The following LHX3 variants were observed in gnomAD, a reference collection of about 807,000 sequenced individuals.
LHX3 encodes LIM homeobox 3, also known as LIM/homeobox protein Lhx3.
In LHX3, 21 loss-of-function variants were observed where a neutral mutation model predicts 32.4. The ratio of observed to expected loss-of-function variants is 0.65; its 90% CI spans 0.46 to 0.93. The LOEUF is 0.93. Ranked by LOEUF, LHX3 falls within the 40% of genes least tolerant of loss-of-function variation. The pLI is 0.00. For missense variants in LHX3, 626 were observed against 560.0 expected, an observed-to-expected ratio of 1.12 and a Z score of -1.19; for synonymous variants, 258 against 246.8, an observed-to-expected ratio of 1.05 and a Z score of -0.43.
chr9:136,198,612 G>A (rs374946930), intron 5 of LHX3, 40 bp downstream of exon 5: 6 of 1,530,606 alleles, frequency 3.9e-6, no homozygotes, highest in Non-Finnish European at 5.3e-6. Flanking sequence ...CCGCCGACGC[G>A]CGCTCGTCCC....
In LHX3 at chr9:136,200,757, T is replaced by G. The variant is rs1199495392; in HGVS notation, c.80-4A>C. The G allele has an allele frequency of 1.2e-6, 2 of 1,613,174 alleles. No homozygotes were observed. The highest frequency in any genetic ancestry group is 1.3e-5 in the African/African-American group (1 of 74,922). ...CAGCCAGCGCACAGCGGGATCTCTG[T>G]GGGCACGAGGAAGTTCTGGGTCACC... On this transcript the variant is annotated splice_polypyrimidine_tract_variant and splice_region_variant and intron_variant, in intron 1 of 5. Coordinates refer to ENST00000371748, the MANE Select transcript of LHX3 (RefSeq NM_178138.6).
Position 136,197,298 on chromosome 9 carries a change from G to A in LHX3, c.*27C>T, listed in dbSNP as rs765405439. 1.2e-6 allele frequency: 2 copies of A among 1,610,326 alleles called. No individual in the cohort carries two copies. The highest frequency in any genetic ancestry group is 2.2e-5 in the South Asian group (2 of 90,924). On this transcript the variant is annotated 3_prime_UTR_variant, in exon 6 of 6. Transcript: ENST00000371748. ...CCACCCAGGGGCAGCTCCCTCGTGTGAGGTGCAGGGTGGAGCCGGGCCTGG... is the reference window on the plus strand; with the variant it reads ...CCACCCAGGGGCAGCTCCCTCGTGTAAGGTGCAGGGTGGAGCCGGGCCTGG...
At chr9:136,198,559 A>T in intron 5 of LHX3, 93 bp downstream of exon 5, 1 of 1,390,872 alleles carries the variant, frequency 7.2e-7, no homozygotes, top group Non-Finnish European at 9.8e-7. Flanking sequence ...CACTAACTCC[A>T]TGGGAAATTC....
At chr9:136,199,456 C>G (rs1173572084) in intron 3 of LHX3, among the ~76,000 whole-genome samples, 1 of 152,248 alleles carries the variant, frequency 6.6e-6, no homozygotes, top group African/African-American at 2.4e-5. Context: ...CGACCAGGGG[C>G]GAAAAGCCGC....
At position 136,197,048 on chromosome 9, in the gene LHX3, T is replaced by G. The variant is rs1195797688; in HGVS notation, c.*277A>C. ...TTTCATGTCTAGAAATAGCAGCAAG[T>G]GCTCAGTTAATTGGTCAATAAAGGG... On this transcript the variant is annotated 3_prime_UTR_variant, in exon 6 of 6. Transcript: ENST00000371748. 1.8e-6 allele frequency: 1 copy of G among 562,058 alleles called. No homozygotes were observed. Among genetic ancestry groups the G allele is most frequent in the African/African-American group, 1.9e-5 (1 of 53,032 alleles). The allele number at this position is 562,058 out of a possible 1,614,324, so 34.8% of individuals were successfully genotyped here.
chr9:136,196,999 G>A lies in LHX3; in HGVS notation c.*326C>T. The stretch of plus-strand genomic sequence containing the variant: ...TCCAGCCCTCGGGCTATGCTGGGCT[G>A]GGCTGGGCCTCAGCAAGGTGACATT... On this transcript the variant is annotated 3_prime_UTR_variant, in exon 6 of 6. Transcript: ENST00000371748. The A allele has an allele frequency of 2.1e-6, 1 of 468,790 alleles. No homozygotes were observed. The highest frequency in any genetic ancestry group is 2.5e-5 in the South Asian group (1 of 39,960). The allele number at this position is 468,790 out of a possible 1,614,324, so 29.0% of individuals were successfully genotyped here.
intron 3 of LHX3, 28 bp from the exon 4 acceptor site, chr9:136,199,087 G>C (rs1224114028): frequency 2.2e-6 from 3 of 1,387,012 alleles, no homozygotes; most frequent in Admixed American, 2.9e-5. Context: ...GGTGAGGCGC[G>C]GCAGCCCCTC....
In LHX3 at chr9:136,199,018, C is replaced by T; in HGVS notation, c.496G>A (p.Ala166Thr). Residue 166 changes from alanine to threonine, a missense_variant, in exon 4 of 6, where the codon GCC becomes ACC. Coordinates refer to ENST00000371748, the MANE Select transcript of LHX3 (RefSeq NM_178138.6). ...CTCTTCAGCGTCTCCAGCTGCTTGG[C>T]GGTGATGGTCGTGCGCGGCCGCTTG... ...TAKRPRTTIT[A>T]KQLETLKSAY... 6.3e-7 allele frequency: 1 copy of T among 1,586,240 alleles called. No homozygotes were observed. Among genetic ancestry groups the T allele is most frequent in the Non-Finnish European group, 8.5e-7 (1 of 1,171,346 alleles).
chr9:136,198,999 A>G lies in LHX3; in HGVS notation c.515T>C (p.Leu172Pro). The G allele has an allele frequency of 1.3e-6, 2 of 1,592,128 alleles. No homozygotes were observed. Among genetic ancestry groups the G allele is most frequent in the South Asian group, 1.1e-5 (1 of 88,616 alleles). Residue 172 changes from leucine (L) to proline (P), a missense_variant, in exon 4 of 6, where the codon CTG becomes CCG. Physicochemically the swap from Leu to Pro is moderately conservative, Grantham distance 98. Transcript: ENST00000371748. ...TTITAKQLET[L>P]KSAYNTSPKP... ...GGGCGAGGTGTTGTAAGCGCTCTTCAGCGTCTCCAGCTGCTTGGCGGTGAT... is the reference window on the plus strand; with the variant it reads ...GGGCGAGGTGTTGTAAGCGCTCTTCGGCGTCTCCAGCTGCTTGGCGGTGAT...
rs2131032884 is a variant in LHX3 at position 136,198,929 on chromosome 9, G to A, written c.585C>T (p.Gly195=). 16 of 1,588,502 alleles carry A rather than the reference G, an allele frequency of 1.0e-5. No homozygotes were observed. The highest frequency in any genetic ancestry group is 1.4e-5 in the Non-Finnish European group (16 of 1,171,924). The change falls in exon 4 of 6, where the codon GGC becomes GGT. Residue 195 remains glycine, a synonymous_variant. Coordinates refer to ENST00000371748, the MANE Select transcript of LHX3 (RefSeq NM_178138.6). The stretch of plus-strand genomic sequence containing the variant: ...TGACCTGCACCACGCGCATGTCCAG[G>A]CCCGTCTCGGACGAGAGCTGCTCGC... ...HVREQLSSET[G]LDMRVVQVWF... is the part of the protein sequence containing the mutation.
intron 1 of LHX3, 113 bp from the exon 2 acceptor site, chr9:136,200,866 G>A (rs1222155870): frequency 5.5e-6 from 7 of 1,264,646 alleles, no homozygotes; most frequent in African/African-American, 2.9e-5. Flanking sequence ...CAGGGCTGCC[G>A]AGGGGTCCTC....
At chr9:136,201,028 G>A (rs1325123552) in intron 1 of LHX3, 2 of 989,220 alleles carry the variant, frequency 2.0e-6, no homozygotes, top group South Asian at 1.7e-5. Flanking sequence ...GCCATTTCAC[G>A]AGGCTGAATA....
At position 136,204,774 on chromosome 9, in the gene LHX3, C is replaced by A. The variant is rs1391377889; in HGVS notation, c.79+160G>T. ...GCCAGCGTCAGGCCCTCCCCGCCAC[C>A]CTGGGATCTGGAAACTCACTCTCTG... On this transcript the variant is annotated intron_variant, in intron 1 of 5. Coordinates refer to ENST00000371748, the MANE Select transcript of LHX3 (RefSeq NM_178138.6). Among the ~76,000 whole-genome samples, 4 of 152,336 alleles carry A rather than the reference C, an allele frequency of 2.6e-5. No individual in the cohort carries two copies. The East Asian group carries it at 7.7e-4, about 29-fold the overall frequency.
intron 5 of LHX3, among the ~76,000 whole-genome samples, chr9:136,198,300 T>C (rs1424872605): frequency 2.0e-5 from 3 of 152,158 alleles, no homozygotes; most frequent in Admixed American, 2.0e-4. Context: ...GACTCAGTCT[T>C]TCCCGAAATG....
At chr9:136,202,814 G>T in intron 1 of LHX3, 7 of 1,057,248 alleles carry the variant, frequency 6.6e-6, no homozygotes, top group Non-Finnish European at 8.4e-6. Context: ...GCGCCCAGGC[G>T]CGGACGTTCC....
rs1831594684 is a variant in LHX3, at chr9:136,199,826, C to T, written c.306G>A (p.Val102=). ...ACACGAAGTCCTGGGCGCGGCGCAC[C>T]ACCTGCGTGGGCGGGATGCCCAGCT... is the stretch of plus-strand genomic sequence containing the variant. ...ACQLGIPPTQ[V]VRRAQDFVYH... is the part of the protein sequence containing the mutation. The change falls in exon 3 of 6, where the codon GTG becomes GTA. Residue 102 remains valine (V), a synonymous_variant. Coordinates refer to ENST00000371748, the MANE Select transcript of LHX3 (RefSeq NM_178138.6). The T allele has an allele frequency of 6.2e-7, 1 of 1,610,360 alleles. No homozygotes were observed. Among genetic ancestry groups the T allele is most frequent in the South Asian group, 1.1e-5 (1 of 90,756 alleles).
Position 136,203,093 on chromosome 9 carries a change from G to A in LHX3, c.79+1841C>T. On this transcript the variant is annotated intron_variant, in intron 1 of 5. Coordinates refer to ENST00000371748, the MANE Select transcript of LHX3 (RefSeq NM_178138.6). Reference sequence around the variant, plus strand: ...CCAGTCCCGAACTTTCCCGGGCCCAGCGACGCCACCCCGCAATAGCCCCGA... The same window carrying A: ...CCAGTCCCGAACTTTCCCGGGCCCAACGACGCCACCCCGCAATAGCCCCGA... 5.4e-6 allele frequency: 8 copies of A among 1,485,884 alleles called. No homozygotes were observed. The South Asian group carries it at 1.0e-4, about 19-fold the overall frequency. 92.0% of individuals were successfully genotyped at this position (1,485,884 alleles called of 1,614,324 possible).
intron 2 of LHX3, 198 bp from the exon 3 acceptor site, chr9:136,200,078 A>G (rs1465517286): frequency 4.3e-6 from 3 of 693,742 alleles, no homozygotes; most frequent in African/African-American, 3.5e-5. Flanking sequence ...AATCTCAGAA[A>G]GACCTCGGGG....
In LHX3 at chr9:136,197,411, G is replaced by C. The variant is rs757920416; in HGVS notation, c.1108C>G (p.Leu370Val). 8 of 1,607,792 alleles carry C rather than the reference G, an allele frequency of 5.0e-6. No individual in the cohort carries two copies. The highest frequency in any genetic ancestry group is 6.8e-6 in the Non-Finnish European group (8 of 1,178,084). The change falls in exon 6 of 6, where the codon CTA becomes GTA. Residue 370 changes from leucine to valine, a missense_variant. Coordinates refer to ENST00000371748, the MANE Select transcript of LHX3 (RefSeq NM_178138.6). The stretch of plus-strand genomic sequence containing the variant: ...TAACCCCCGCTGCTCCCCGTGGATA[G>C]GTCAGAACTGGGTCCGTTCCCTGCC... Reference protein sequence around the residue: ...VLAGNGPSSDLSTGSSGGYPD... With the variant: ...VLAGNGPSSDVSTGSSGGYPD...
Sources: gnomAD v4.1 joint callset for allele counts (sites outside exome capture counted in the v4.1 genomes callset) on GRCh38, gnomAD v4.1.1 for gene constraint, MANE v1.5 for transcripts, NCBI Gene and HGNC (gene_info 2026-07-23, HGNC 2026-07-21) for gene names.